ZC3H7B: variants seen among roughly 807,000 people sequenced by gnomAD.
The protein encoded by ZC3H7B is zinc finger CCCH domain-containing protein 7B.
Under a neutral mutation model 116.0 loss-of-function variants are expected in ZC3H7B, and 35 were observed. The observed-to-expected ratio is 0.30, with a 90% confidence interval of 0.23 to 0.40. ZC3H7B has a LOEUF of 0.40. ZC3H7B is among the 10% of genes least tolerant of loss of function. The probability of loss-of-function intolerance (pLI) is 1.00; values close to 1 mark genes in which losing one functional copy is unlikely to be tolerated. For synonymous variants in ZC3H7B, 502 were observed against 545.6 expected, an observed-to-expected ratio of 0.92 and a Z score of 1.11; for missense variants, 1,011 against 1,321.5, an observed-to-expected ratio of 0.77 and a Z score of 3.64.
At chr22:41,304,999 G>A (rs1352265422) in intron 1 of ZC3H7B, among the ~76,000 whole-genome samples, 1 of 152,076 alleles carries the variant, frequency 6.6e-6, no homozygotes, top group Admixed American at 6.6e-5. Context: ...ATCACTTGAG[G>A]TCACGAGTTC....
intron 9 of ZC3H7B, among the ~76,000 whole-genome samples, 195 bp downstream of exon 9, chr22:41,339,386 G>A (rs1429258111): frequency 6.6e-6 from 1 of 152,164 alleles, no homozygotes. Flanking sequence ...CAATACTTTG[G>A]GAGGCCAAGG....
At chr22:41,354,467 T>C (rs995407951) in intron 17 of ZC3H7B, among the ~76,000 whole-genome samples, 1 of 152,146 alleles carries the variant, frequency 6.6e-6, no homozygotes, top group Non-Finnish European at 1.5e-5. Context: ...GGGCAGGCCC[T>C]GGGCAGGGCA....
At chr22:41,341,470 G>A (rs145611298) in intron 11 of ZC3H7B, among the ~76,000 whole-genome samples, 1,742 of 152,318 alleles carry the variant, frequency 0.011, 34 homozygotes, top group African/African-American at 0.04. Flanking sequence ...TGGGCCGGGC[G>A]CGGTGGCTCA....
chr22:41,342,424 G>A, intron 11 of ZC3H7B, 105 bp from the exon 12 acceptor site: 1 of 1,045,396 alleles, frequency 9.6e-7, no homozygotes, highest in Admixed American at 1.8e-5. Flanking sequence ...CTCTTGGGTA[G>A]GATAGGGGGG....
At position 41,327,383 on chromosome 22, in the gene ZC3H7B, C is replaced by G; in HGVS notation, c.444+19C>G. The G allele has an allele frequency of 6.2e-7, 1 of 1,605,498 alleles. No homozygotes were observed. The highest frequency in any genetic ancestry group is 8.5e-7 in the Non-Finnish European group (1 of 1,179,260). On this transcript the variant is annotated intron_variant, in intron 5 of 22. Coordinates refer to ENST00000352645, the MANE Select transcript of ZC3H7B (RefSeq NM_017590.6). The surrounding 1 kb of genome is among the most constrained non-coding windows in gnomAD (Gnocchi z 4.5). ...GCCCCACGTGAGTGTGGCTCTGCAG[C>G]CACGCCGGTGCCTGCTCAGAGGCCA...
chr22:41,314,353 C>T (rs1444964149), intron 1 of ZC3H7B, among the ~76,000 whole-genome samples: 2 of 151,626 alleles, frequency 1.3e-5, no homozygotes, highest in Non-Finnish European at 2.9e-5. Context: ...GATGGGGTTT[C>T]GCCATGTTGG....
chr22:41,318,528 C>CAAAAA (rs61267547), intron 1 of ZC3H7B, among the ~76,000 whole-genome samples: 5 of 92,330 alleles, frequency 5.4e-5, no homozygotes, highest in African/African-American at 1.3e-4. Context: ...GACTCCGCCT[C>CAAAAA]AAAAAAAAAA....
At chr22:41,313,835 C>A (rs1406680238) in intron 1 of ZC3H7B, among the ~76,000 whole-genome samples, 1 of 151,884 alleles carries the variant, frequency 6.6e-6, no homozygotes, top group East Asian at 1.9e-4. Flanking sequence ...TTCCTTCGGT[C>A]TTTCGGGTTC....
In ZC3H7B at chr22:41,327,243, C is replaced by T. The variant is rs1242129493; in HGVS notation, c.323C>T (p.Ala108Val). The change falls in exon 5 of 23, where the codon GCG becomes GTG. Residue 108 changes from alanine (A) to valine (V), a missense_variant. This residue lies in a region of ZC3H7B where 322 missense variants were observed against 443.9 expected (regional missense o/e 0.73). Transcript: ENST00000352645. The surrounding 1 kb of genome is among the most constrained non-coding windows in gnomAD (Gnocchi z 4.5). ...AAGGCGCTGGAGGACAGCGAGAAGG[C>T]GCTGGGCCTGGACAGTGAGAGTATC... ...YEKALEDSEKALGLDSESIRA... is the reference protein window; with the variant it reads ...YEKALEDSEKVLGLDSESIRA... The T allele has an allele frequency of 1.2e-6, 2 of 1,614,054 alleles. No individual in the cohort carries two copies. Among genetic ancestry groups the T allele is most frequent in the South Asian group, 1.1e-5 (1 of 91,086 alleles).
In ZC3H7B at chr22:41,349,314, C is replaced by T. The variant is rs754800205; in HGVS notation, c.1948+13C>T. On this transcript the variant is annotated intron_variant, in intron 16 of 22. Transcript: ENST00000352645. This position sits in a 1 kb window ranked among gnomAD's most constrained non-coding sequence, Gnocchi z 4.9. ...CAGCAGTACTCAGGTGAGGGGCAGG[C>T]GGTGCAGGTGGAGGGCAGGTGACTC... The T allele has an allele frequency of 9.9e-6, 16 of 1,610,768 alleles. No homozygotes were observed. Among genetic ancestry groups the T allele is most frequent in the African/African-American group, 2.7e-5 (2 of 74,798 alleles).
rs147484669 is a variant in ZC3H7B at position 41,323,811 on chromosome 22, C to T, written c.54-1753C>T. On this transcript the variant is annotated intron_variant, in intron 2 of 22. Transcript: ENST00000352645. ...TACGGCCGGGCGCGGTGGCTCATGC[C>T]TGTAATCCCAGCACTTTGGGAGGCC... Among the ~76,000 whole-genome samples, 509 of 152,302 alleles carry T rather than the reference C, an allele frequency of 3.3e-3. 3 individuals carry two copies. The highest frequency in any genetic ancestry group is 0.012 in the African/African-American group (488 of 41,572).
Position 41,351,622 on chromosome 22 carries a change from T to C in ZC3H7B, c.2010T>C (p.His670=), listed in dbSNP as rs1051158148. The change falls in exon 17 of 23, where the codon CAT becomes CAC. Residue 670 remains histidine, a synonymous_variant. Transcript: ENST00000352645. This position sits in a 1 kb window ranked among gnomAD's most constrained non-coding sequence, Gnocchi z 5.1. The part of the protein sequence containing the change: ...SKKYWQQMEA[H]AGKASSSMGA... ...AGTACTGGCAGCAGATGGAGGCGCATGCGGGGAAGGCCAGCAGCAGCATGG... is the reference window on the plus strand; with the variant it reads ...AGTACTGGCAGCAGATGGAGGCGCACGCGGGGAAGGCCAGCAGCAGCATGG... The C allele has an allele frequency of 3.7e-6, 6 of 1,613,816 alleles. No homozygotes were observed. In the Admixed American group the frequency reaches 6.7e-5, roughly 18 times the overall value.
rs924028789 is a variant in ZC3H7B, at chr22:41,327,968, TA to T, written c.444+613del. Among the ~76,000 whole-genome samples, 19 of 151,036 alleles carry T rather than the reference TA, an allele frequency of 1.3e-4. No individual in the cohort carries two copies. The highest frequency in any genetic ancestry group is 4.4e-4 in the African/African-American group (18 of 41,150). The stretch of plus-strand genomic sequence containing the variant: ...GCAAGACCCTGTTTCAACAAAAAAT[TA>T]AAAAAAAATTAGCTGGGCATGATGG... On this transcript the variant is annotated intron_variant, in intron 5 of 22. Transcript: ENST00000352645. The surrounding 1 kb of genome is among the most constrained non-coding windows in gnomAD (Gnocchi z 4.5).
chr22:41,341,829 C>T (rs1421033721), intron 11 of ZC3H7B, among the ~76,000 whole-genome samples: 1 of 152,118 alleles, frequency 6.6e-6, no homozygotes, highest in Middle Eastern at 3.4e-3. Context: ...TTTGGGAGGC[C>T]GAGGTGTGCA....
chr22:41,319,756 C>T (rs1270537021), intron 1 of ZC3H7B, among the ~76,000 whole-genome samples: 2 of 152,124 alleles, frequency 1.3e-5, no homozygotes, highest in African/African-American at 4.8e-5. Flanking sequence ...TGGCTGAGCA[C>T]AGTGGCTAAC....
chr22:41,348,116 C>A lies in ZC3H7B; in HGVS notation c.1715C>A (p.Ser572Tyr), dbSNP rs747050935. 3.1e-6 allele frequency: 5 copies of A among 1,613,912 alleles called. No homozygotes were observed. The highest frequency in any genetic ancestry group is 1.3e-5 in the African/African-American group (1 of 74,938). ...ATCATCAGCAAAGGCACCAAGGACT[C>A]TCCGTCTGTCTGCTCCAACCTGGCT... ...PRIISKGTKD[S>Y]PSVCSNLAAK... Residue 572 changes from serine to tyrosine, a missense_variant, in exon 15 of 23, where the codon TCT (serine) becomes TAT (tyrosine). This residue lies in a region of ZC3H7B where 406 missense variants were observed against 590.2 expected (regional missense o/e 0.69). Coordinates refer to ENST00000352645, the MANE Select transcript of ZC3H7B (RefSeq NM_017590.6).
chr22:41,307,461 T>C (rs558852371), intron 1 of ZC3H7B, among the ~76,000 whole-genome samples: 9 of 152,320 alleles, frequency 5.9e-5, no homozygotes, highest in African/African-American at 2.2e-4. Context: ...CACCGGGCTA[T>C]GGAGGCCCAG....
At chr22:41,332,397 G>A (rs1349238204) in intron 7 of ZC3H7B, 170 bp downstream of exon 7, 2 of 790,400 alleles carry the variant, frequency 2.5e-6, no homozygotes, top group South Asian at 3.3e-5. Context: ...CATGGCTGCT[G>A]TTGGCAGGGA....
chr22:41,343,544 C>T lies in ZC3H7B; in HGVS notation c.1427C>T (p.Thr476Ile), dbSNP rs1321570048. The change falls in exon 13 of 23, where the codon ACC becomes ATC. Residue 476 changes from threonine to isoleucine, a missense_variant. Physicochemically the swap from Thr to Ile is moderately conservative, Grantham distance 89. Around this residue, in one of 5 missense-constraint regions of ZC3H7B, gnomAD observed 179 missense variants for 178.5 expected, o/e 1.00. Coordinates refer to ENST00000352645, the MANE Select transcript of ZC3H7B (RefSeq NM_017590.6). ...CGGATCCGGCCCCGGCCCACTAAGA[C>T]CAGCTTCGTGGGCTCCTACTACCTG... ...WKRIRPRPTKTSFVGSYYLCK... is the reference protein window; with the variant it reads ...WKRIRPRPTKISFVGSYYLCK... The T allele has an allele frequency of 1.2e-6, 2 of 1,611,828 alleles. No homozygotes were observed. The highest frequency in any genetic ancestry group is 1.1e-5 in the South Asian group (1 of 90,938).
Sources: allele counts gnomAD v4.1 joint callset (sites outside exome capture counted in the v4.1 genomes callset), GRCh38; gene constraint gnomAD v4.1.1; regional missense constraint gnomAD v4.1.1; non-coding constraint Gnocchi (gnomAD v3.1); transcripts MANE v1.5; gene names NCBI Gene and HGNC (gene_info 2026-07-23, HGNC 2026-07-21).